Variants in SERPINB8 observed in about 807,000 individuals in gnomAD.
SERPINB8 encodes serpin B8.
Under a neutral mutation model 35.3 loss-of-function variants are expected in SERPINB8, and 25 were observed. The ratio of observed to expected loss-of-function variants is 0.71; its 90% CI spans 0.52 to 0.99. SERPINB8 has a LOEUF of 0.99. SERPINB8 is among the 50% of genes least tolerant of loss of function. SERPINB8 has a pLI of 0.00. For missense variants in SERPINB8, 484 were observed against 446.5 expected, an observed-to-expected ratio of 1.08 and a Z score of -0.76; for synonymous variants, 186 against 160.8, an observed-to-expected ratio of 1.16 and a Z score of -1.19.
downstream of SERPINB8, among the ~76,000 whole-genome samples, chr18:64,006,180 G>A (rs941258365): frequency 6.6e-6 from 1 of 152,146 alleles, no homozygotes; most frequent in Non-Finnish European, 1.5e-5. Flanking sequence ...GTGAGTGCTG[G>A]GATGAGAGGG....
Position 63,987,207 on chromosome 18 carries a change from CCTTTT to C in SERPINB8, c.1063_1067del (p.Phe355HisfsTer37). On this transcript the variant is annotated frameshift_variant, in exon 7 of 7. Coordinates refer to ENST00000397985, the MANE Select transcript of SERPINB8 (RefSeq NM_002640.4). LOFTEE classifies it high-confidence loss of function. Reference sequence around the variant, plus strand: ...GGAGCCAAGATTCTGTGCAGACCACCCTTTTCTTTTCTTCATCAGGCACCACAAAA... The same window carrying C: ...GGAGCCAAGATTCTGTGCAGACCACCCTTTTCTTCATCAGGCACCACAAAA... The C allele has an allele frequency of 6.8e-6, 11 of 1,614,112 alleles. No individual in the cohort carries two copies. Among genetic ancestry groups the C allele is most frequent in the Non-Finnish European group, 8.5e-6 (10 of 1,179,986 alleles).
chr18:64,007,313 A>T (rs1171506286), downstream of SERPINB8, among the ~76,000 whole-genome samples: 1 of 152,184 alleles, frequency 6.6e-6, no homozygotes, highest in Non-Finnish European at 1.5e-5. Flanking sequence ...ATAAACATTT[A>T]AAAAATTAAA....
chr18:64,006,041 T>C (rs1376898129), downstream of SERPINB8, among the ~76,000 whole-genome samples: 3 of 152,162 alleles, frequency 2.0e-5, no homozygotes, highest in Non-Finnish European at 2.9e-5. Context: ...GAGTCCTGCA[T>C]TGAAAAATTG....
chr18:63,998,833 G>T (rs1037599185), intron 1 of SERPINB8, among the ~76,000 whole-genome samples: 2 of 152,144 alleles, frequency 1.3e-5, no homozygotes, highest in Non-Finnish European at 1.5e-5. Context: ...GGACTTCAAA[G>T]ATAATAACCA....
At chr18:64,008,760 T>C (rs906268996), downstream of SERPINB8, among the ~76,000 whole-genome samples, 1 of 152,202 alleles carries the variant, frequency 6.6e-6, no homozygotes, top group African/African-American at 2.4e-5. Context: ...AATTTGAGCA[T>C]AGCAGATGCA....
chr18:63,986,375 G>T, intron 6 of SERPINB8: 1 of 1,565,730 alleles, frequency 6.4e-7, no homozygotes, highest in Non-Finnish European at 8.6e-7. Flanking sequence ...CCCTTCTCAT[G>T]CCTCCCTTCA....
intron 3 of SERPINB8, 105 bp from the exon 4 acceptor site, chr18:63,981,616 T>TTTCGGAG: frequency 1.3e-6 from 1 of 759,294 alleles, no homozygotes; most frequent in East Asian, 2.5e-5. Context: ...GAGTGTGACC[T>TTTCGGAG]GTCCAAGCAC....
downstream of SERPINB8, among the ~76,000 whole-genome samples, chr18:64,006,267 C>T (rs2050899522): frequency 6.6e-6 from 1 of 152,134 alleles, no homozygotes; most frequent in Non-Finnish European, 1.5e-5. Context: ...TGCCTTAGTA[C>T]ATAGGTATAT....
chr18:63,984,261 C>G (rs1202860517), intron 5 of SERPINB8, among the ~76,000 whole-genome samples: 1 of 152,206 alleles, frequency 6.6e-6, no homozygotes, highest in African/African-American at 2.4e-5. Context: ...TCAAATCTAC[C>G]TTCCATCTCT....
chr18:64,008,261 GAC>G (rs2144847476), downstream of SERPINB8, among the ~76,000 whole-genome samples: 1 of 152,010 alleles, frequency 6.6e-6, no homozygotes, highest in East Asian at 1.9e-4. Context: ...TTATTTTTTT[GAC>G]ACAGAGTCTC....
intron 1 of SERPINB8, among the ~76,000 whole-genome samples, chr18:63,996,932 C>G (rs1471161289): frequency 1.3e-5 from 2 of 152,344 alleles, no homozygotes; most frequent in East Asian, 1.9e-4. Context: ...TAAGAGGTTA[C>G]TAGAAAAGGC....
downstream of SERPINB8, among the ~76,000 whole-genome samples, chr18:64,009,761 A>G (rs1055554094): frequency 6.6e-6 from 1 of 152,232 alleles, no homozygotes; most frequent in African/African-American, 2.4e-5. Context: ...TAATGCCCAC[A>G]AGCTTAGCAT....
intron 2 of SERPINB8, among the ~76,000 whole-genome samples, chr18:63,979,213 C>T (rs2050630782): frequency 1.3e-5 from 2 of 152,078 alleles, no homozygotes; most frequent in Admixed American, 6.5e-5. Flanking sequence ...TGGGGGTGAT[C>T]GAGAGATATA....
chr18:64,019,457 A>G (rs1199984576), exon 8 of SERPINB8: 1 of 152,238 alleles, frequency 6.6e-6, no homozygotes, highest in Non-Finnish European at 1.5e-5. Flanking sequence ...CCTCGACTCC[A>G]TCCTCCAGAT....
At chr18:63,994,995 A>G (rs2050842219) in intron 1 of SERPINB8, among the ~76,000 whole-genome samples, 1 of 152,190 alleles carries the variant, frequency 6.6e-6, no homozygotes, top group South Asian at 2.1e-4. Flanking sequence ...CTACTGGACG[A>G]TCTAGGCAAT....
In SERPINB8 at chr18:63,987,292, C is replaced by T. The variant is rs762302041; in HGVS notation, c.*14C>T. On this transcript the variant is annotated 3_prime_UTR_variant, in exon 7 of 7. Transcript: ENST00000397985. ...TCTTCTCCGTAAAGAGGAGCAATTG[C>T]TGTACATACCCTCCTTTCCTTCTAC... The T allele has an allele frequency of 1.9e-6, 3 of 1,597,204 alleles. No individual in the cohort carries two copies. Among genetic ancestry groups the T allele is most frequent in the Non-Finnish European group, 2.6e-6 (3 of 1,170,534 alleles).
intron 1 of SERPINB8, among the ~76,000 whole-genome samples, chr18:64,002,431 A>G (rs1054234094): frequency 6.6e-6 from 1 of 152,062 alleles, no homozygotes; most frequent in Non-Finnish European, 1.5e-5. Flanking sequence ...TGAAACAGAA[A>G]AGCCCAGGGT....
In SERPINB8 at chr18:63,970,165, C is replaced by T. The variant is rs1398270037; in HGVS notation, c.-16C>T. 1 of 356,922 alleles carries T rather than the reference C, an allele frequency of 2.8e-6. No individual in the cohort carries two copies. The highest frequency in any genetic ancestry group is 5.5e-6 in the Non-Finnish European group (1 of 181,006). The allele number at this position is 356,922 out of a possible 1,614,324, so 22.1% of individuals were successfully genotyped here. The stretch of plus-strand genomic sequence containing the variant: ...GCGGCGGCGGCAGCAGCAGCAGCAG[C>T]AGGAGGTGGGGGCCTCTGCCAGGTA... On this transcript the variant is annotated 5_prime_UTR_variant, in exon 1 of 7. Coordinates refer to ENST00000397985, the MANE Select transcript of SERPINB8 (RefSeq NM_002640.4).
intron 1 of SERPINB8, among the ~76,000 whole-genome samples, chr18:64,000,542 G>A (rs1428769425): frequency 6.6e-6 from 1 of 152,060 alleles, no homozygotes; most frequent in Admixed American, 6.6e-5. Context: ...ATCTCGGGAG[G>A]GAGGCACCAT....
Sources: gnomAD v4.1 joint callset for allele counts (sites outside exome capture counted in the v4.1 genomes callset) on GRCh38, gnomAD v4.1.1 for gene constraint, MANE v1.5 for transcripts, NCBI Gene and HGNC (gene_info 2026-07-23, HGNC 2026-07-21) for gene names.